The following CCDC144A variants were observed in gnomAD, a reference collection of about 807,000 sequenced individuals.
CCDC144A encodes coiled-coil domain containing 144A.
CCDC144A carries 41 observed loss-of-function variants against 143.8 expected under a neutral mutation model. That is an observed-to-expected ratio of 0.29 (90% CI 0.22 to 0.37). The LOEUF (loss-of-function observed/expected upper bound fraction) is 0.37. Among genes scored for constraint, CCDC144A ranks in the 10% least tolerant of loss-of-function variants. CCDC144A has a pLI of 1.00. For synonymous variants in CCDC144A, 242 were observed against 517.9 expected (o/e 0.47, Z 7.23); for missense variants, 637 against 1,488.8 (o/e 0.43, Z 9.41).
At chr17:16,680,476 T>TA in the CCDC144A span, among the ~76,000 whole-genome samples, 2 of 150,862 alleles carry the variant, frequency 1.3e-5, no homozygotes, top group Non-Finnish European at 3.0e-5. Context: ...AAATTTCTGT[T>TA]AAAAAAAATT....
chr17:16,704,605 G>A (rs1245961822), intron 2 of CCDC144A, among the ~76,000 whole-genome samples: 1 of 151,706 alleles, frequency 6.6e-6, no homozygotes, highest in Non-Finnish European at 1.5e-5. Flanking sequence ...TCTCACATGG[G>A]AACAGTTAGA....
At chr17:16,691,190 T>C (rs1196508101) in intron 1 of CCDC144A, among the ~76,000 whole-genome samples, 1 of 152,210 alleles carries the variant, frequency 6.6e-6, no homozygotes, top group East Asian at 2.0e-4. Flanking sequence ...TGTTATGCTT[T>C]TGTCTCAGCC....
chr17:16,719,071 C>T (rs1310022715), intron 6 of CCDC144A, among the ~76,000 whole-genome samples: 1 of 150,970 alleles, frequency 6.6e-6, no homozygotes, highest in Non-Finnish European at 1.5e-5. Context: ...ACCTCGTGAT[C>T]CATCCACCTC....
the CCDC144A span, among the ~76,000 whole-genome samples, chr17:16,683,003 G>A: frequency 7.3e-6 from 1 of 137,902 alleles, no homozygotes; most frequent in South Asian, 2.5e-4. Context: ...CTGAGTTCAA[G>A]CAATTCTCCA....
chr17:16,693,655 T>C (rs1282652472), intron 2 of CCDC144A, among the ~76,000 whole-genome samples: 1 of 152,228 alleles, frequency 6.6e-6, no homozygotes, highest in East Asian at 1.9e-4. Context: ...GTATGTTTTC[T>C]TTATAGTCAC....
intron 15 of CCDC144A, 88 bp downstream of exon 15, chr17:16,764,263 T>G (rs1412147354): frequency 1.6e-5 from 25 of 1,542,396 alleles, no homozygotes; most frequent in Non-Finnish European, 2.2e-5. Context: ...TTGTCTTGTG[T>G]ATGGTAAGTA....
intron 12 of CCDC144A, among the ~76,000 whole-genome samples, chr17:16,741,589 A>G (rs1012424732): frequency 3.7e-4 from 57 of 152,068 alleles, no homozygotes; most frequent in Non-Finnish European, 5.9e-4. Flanking sequence ...TGTATATAGG[A>G]TGAATGATTT....
At chr17:16,720,023 G>A (rs187903143) in intron 6 of CCDC144A, among the ~76,000 whole-genome samples, 175 bp from the exon 7 acceptor site, 1 of 152,090 alleles carries the variant, frequency 6.6e-6, no homozygotes, top group African/African-American at 2.4e-5. Flanking sequence ...ATAGTTTAAT[G>A]TCCATTGTAG....
the CCDC144A span, among the ~76,000 whole-genome samples, chr17:16,667,831 C>G: frequency 1.3e-5 from 2 of 148,566 alleles, no homozygotes; most frequent in East Asian, 2.1e-4. Flanking sequence ...TTTATATGAT[C>G]TTTTTCTTGA....
intron 5 of CCDC144A, chr17:16,709,956 G>T (rs1395550693): frequency 1.4e-5 from 4 of 286,410 alleles, no homozygotes; most frequent in African/African-American, 2.3e-5. Flanking sequence ...TGAGCTTGAG[G>T]GCTTTTTCCT....
chr17:16,741,425 T>C (rs1270512673), intron 12 of CCDC144A, among the ~76,000 whole-genome samples: 1 of 152,208 alleles, frequency 6.6e-6, no homozygotes, highest in Admixed American at 6.5e-5. Flanking sequence ...GCTCTCTTTG[T>C]GGCCTAAGCT....
chr17:16,751,959 A>G (rs1914815477), intron 12 of CCDC144A, among the ~76,000 whole-genome samples: 1 of 152,218 alleles, frequency 6.6e-6, no homozygotes, highest in Non-Finnish European at 1.5e-5. Flanking sequence ...GCCCAGATCA[A>G]CTGGACTGTT....
chr17:16,773,301 C>G (rs917074852), intron 16 of CCDC144A, among the ~76,000 whole-genome samples, 196 bp from the exon 17 acceptor site: 30 of 151,878 alleles, frequency 2.0e-4, no homozygotes, highest in African/African-American at 7.0e-4. Flanking sequence ...AATACAAAAG[C>G]TTGCCAGGCA....
rs1236217899 is a variant in CCDC144A, at chr17:16,705,324, GTAC to G, written c.591_593del (p.Leu199del). 1 of 1,004,778 alleles carries G rather than the reference GTAC, an allele frequency of 1.0e-6. No homozygotes were observed. Among genetic ancestry groups the G allele is most frequent in the Non-Finnish European group, 1.6e-6 (1 of 633,318 alleles). The allele number at this position is 1,004,778 out of a possible 1,614,324, so 62.2% of individuals were successfully genotyped here. On this transcript the variant is annotated inframe_deletion, in exon 3 of 17. Transcript: ENST00000399273. ...ACGAGAAAAGATGGACACTGGAGTT[GTAC>G]TTCTCTCAGGGAATGATACTCTCCA...
In CCDC144A at chr17:16,690,547, C is replaced by T. The variant is rs201730519; in HGVS notation, c.147C>T (p.Phe49=). Residue 49 remains phenylalanine, a synonymous_variant, in exon 1 of 17, where the codon TTC becomes TTT. Coordinates refer to ENST00000399273, the MANE Select transcript of CCDC144A (RefSeq NM_001382000.1). ...CGGGGGACCAGTGGTCCTCGGGCTT[C>T]CCCTACAGCTGGTGGAAAAACAGCG... ...GYPGDQWSSG[F]PYSWWKNSVG... is the part of the protein sequence containing the mutation. 6 of 1,613,814 alleles carry T rather than the reference C, an allele frequency of 3.7e-6. No individual in the cohort carries two copies. The South Asian group carries it at 6.6e-5, about 18-fold the overall frequency.
At chr17:16,692,136 GA>G (rs1396528293) in intron 1 of CCDC144A, among the ~76,000 whole-genome samples, 1 of 152,202 alleles carries the variant, frequency 6.6e-6, no homozygotes, top group African/African-American at 2.4e-5. Context: ...TCATGGAACT[GA>G]AAAAGAAAAG....
At chr17:16,677,189 ACTT>A in the CCDC144A span, among the ~76,000 whole-genome samples, 76 of 151,738 alleles carry the variant, frequency 5.0e-4, 3 homozygotes, top group South Asian at 0.015. Context: ...TCTTCCCTCC[ACTT>A]CTTCTAGTCC....
chr17:16,711,136 GAAA>G (rs1210697273), intron 5 of CCDC144A, among the ~76,000 whole-genome samples: 14 of 21,774 alleles, frequency 6.4e-4, no homozygotes, highest in East Asian at 4.9e-3. Flanking sequence ...GGATTCAAAT[GAAA>G]AAAAAAAAAA....
upstream of CCDC144A, chr17:16,690,151 G>T: frequency 2.9e-6 from 1 of 350,152 alleles, no homozygotes; most frequent in East Asian, 4.5e-5. Context: ...TGGGAGGCTG[G>T]AGCTGCAGAT....
Sources: gnomAD v4.1 joint callset for allele counts (sites outside exome capture counted in the v4.1 genomes callset) on GRCh38, gnomAD v4.1.1 for gene constraint, MANE v1.5 for transcripts, NCBI Gene and HGNC (gene_info 2026-07-23, HGNC 2026-07-21) for gene names.